GRID2: variants seen among roughly 807,000 people sequenced by gnomAD.
GRID2 encodes the protein glutamate receptor ionotropic, delta-2.
GRID2 carries 33 observed loss-of-function variants against 114.8 expected under a neutral mutation model. That is an observed-to-expected ratio of 0.29 (90% CI 0.22 to 0.38). The LOEUF is 0.38. Ranked by LOEUF, GRID2 falls within the 10% of genes least tolerant of loss-of-function variation. The pLI, the probability that GRID2 is intolerant of heterozygous loss-of-function variation, is 1.00. For synonymous variants in GRID2, 505 were observed against 449.9 expected (o/e 1.12, Z -1.55); for missense variants, 1,184 against 1,257.7 (o/e 0.94, Z 0.89).
intron 1 of GRID2, among the ~76,000 whole-genome samples, chr4:92,391,594 A>G (rs1190424952): frequency 6.6e-6 from 1 of 152,188 alleles, no homozygotes; most frequent in Admixed American, 6.6e-5. Context: ...ACAAAAATGC[A>G]TAGTTCCTCT....
intron 8 of GRID2, among the ~76,000 whole-genome samples, chr4:93,355,137 A>G (rs1379352457): frequency 2.0e-5 from 3 of 151,902 alleles, no homozygotes; most frequent in South Asian, 2.1e-4. Flanking sequence ...TCTCCTCAAC[A>G]TTCTTATTCC....
chr4:93,221,739 T>C (rs1744898047), intron 6 of GRID2, among the ~76,000 whole-genome samples: 1 of 151,502 alleles, frequency 6.6e-6, no homozygotes, highest in Non-Finnish European at 1.5e-5. Flanking sequence ...GGCACTTGCC[T>C]GCAAAAGAAA....
At chr4:92,366,100 C>T (rs1000682754) in intron 1 of GRID2, among the ~76,000 whole-genome samples, 2 of 151,948 alleles carry the variant, frequency 1.3e-5, no homozygotes, top group African/African-American at 2.4e-5. Context: ...TTTTATATTA[C>T]CTTATTTTAA....
chr4:92,572,104 T>C (rs1727655293), intron 1 of GRID2, among the ~76,000 whole-genome samples: 1 of 152,030 alleles, frequency 6.6e-6, no homozygotes, highest in Admixed American at 6.6e-5. Context: ...AGCTGGTTTT[T>C]TGAAAAGATC....
At chr4:93,091,518 C>T (rs1261961193) in intron 3 of GRID2, among the ~76,000 whole-genome samples, 1 of 152,054 alleles carries the variant, frequency 6.6e-6, no homozygotes, top group African/African-American at 2.4e-5. Flanking sequence ...TAACATCTGT[C>T]CTTTCCCCAT....
intron 2 of GRID2, among the ~76,000 whole-genome samples, chr4:92,673,142 T>C (rs544612051): frequency 1.3e-5 from 2 of 152,312 alleles, no homozygotes; most frequent in South Asian, 2.1e-4. Context: ...TACTATTTGA[T>C]TTTTAATGAC....
chr4:92,408,431 CTTTTTTTTTTTT>C (rs35638036), intron 1 of GRID2, among the ~76,000 whole-genome samples: 8 of 19,430 alleles, frequency 4.1e-4, no homozygotes, highest in South Asian at 3.7e-3. Context: ...TATTCAAGCT[CTTTTTTTTTTTT>C]TTTTTTTTTT....
chr4:93,650,978 G>A (rs1023258134), intron 14 of GRID2, among the ~76,000 whole-genome samples: 6 of 152,082 alleles, frequency 3.9e-5, no homozygotes, highest in South Asian at 2.1e-4. Context: ...GATCAGACTC[G>A]TCTTATTCAG....
At chr4:92,792,498 CA>C (rs1739641371) in intron 2 of GRID2, among the ~76,000 whole-genome samples, 1 of 149,840 alleles carries the variant, frequency 6.7e-6, no homozygotes, top group South Asian at 2.1e-4. Context: ...CACACACACA[CA>C]CACACTGTCA....
chr4:93,408,258 G>A (rs775481836), intron 9 of GRID2, among the ~76,000 whole-genome samples: 1 of 152,210 alleles, frequency 6.6e-6, no homozygotes, highest in East Asian at 1.9e-4. Context: ...GATGCACTTC[G>A]ATACACGTCT....
At chr4:93,446,648 CAACA>C (rs1257097304) in intron 10 of GRID2, among the ~76,000 whole-genome samples, 3 of 151,982 alleles carry the variant, frequency 2.0e-5, no homozygotes, top group African/African-American at 7.2e-5. Flanking sequence ...CTCTCAAATT[CAACA>C]AGTTGCTTGA....
intron 6 of GRID2, among the ~76,000 whole-genome samples, chr4:93,220,252 A>T (rs181584310): frequency 0.014 from 2,192 of 151,746 alleles, 38 homozygotes; most frequent in Admixed American, 0.059. Context: ...ATATATATAT[A>T]TTTTTTTAGA....
At chr4:92,723,716 G>A (rs561301043) in intron 2 of GRID2, among the ~76,000 whole-genome samples, 2 of 152,182 alleles carry the variant, frequency 1.3e-5, no homozygotes, top group East Asian at 3.9e-4. Context: ...CCAGGATGTA[G>A]CCACTTTCCC....
intron 1 of GRID2, among the ~76,000 whole-genome samples, chr4:92,349,612 A>C (rs185379298): frequency 6.6e-6 from 1 of 151,806 alleles, no homozygotes; most frequent in East Asian, 1.9e-4. Context: ...TCAAATAAAT[A>C]TATGAAGAAT....
chr4:93,476,637 C>A (rs975491882), intron 11 of GRID2, among the ~76,000 whole-genome samples: 4 of 152,046 alleles, frequency 2.6e-5, no homozygotes, highest in African/African-American at 9.6e-5. Flanking sequence ...TCTAAAATAT[C>A]AAAATGGAAC....
intron 2 of GRID2, among the ~76,000 whole-genome samples, chr4:92,794,432 A>G (rs1739752312): frequency 6.6e-6 from 1 of 151,842 alleles, no homozygotes; most frequent in Non-Finnish European, 1.5e-5. Flanking sequence ...TTAAAAGAAA[A>G]ATTGTATGGC....
intron 11 of GRID2, among the ~76,000 whole-genome samples, chr4:93,469,028 A>G (rs1724549862): frequency 6.6e-6 from 1 of 152,116 alleles, no homozygotes; most frequent in South Asian, 2.1e-4. Flanking sequence ...TCTACTCTGC[A>G]GATCAGACAC....
intron 2 of GRID2, among the ~76,000 whole-genome samples, chr4:92,984,628 T>A (rs953212933): frequency 2.4e-4 from 36 of 152,318 alleles, no homozygotes; most frequent in African/African-American, 7.7e-4. Flanking sequence ...AAGGAATCCA[T>A]GGCCAAGAGA....
chr4:93,232,033 A>G (rs1183619732), intron 7 of GRID2, among the ~76,000 whole-genome samples: 1 of 152,174 alleles, frequency 6.6e-6, no homozygotes, highest in East Asian at 1.9e-4. Flanking sequence ...TAGCTGATAT[A>G]TCTATTAGAC....
Sources: allele counts gnomAD v4.1 joint callset (sites outside exome capture counted in the v4.1 genomes callset), GRCh38; gene constraint gnomAD v4.1.1; transcripts MANE v1.5; gene names NCBI Gene and HGNC (gene_info 2026-07-23, HGNC 2026-07-21).